SOX5: variants seen among roughly 807,000 people sequenced by gnomAD.
SOX5 encodes the protein SRY-box transcription factor 5, also known as transcription factor SOX-5.
In SOX5, 9 loss-of-function variants were observed where a neutral mutation model predicts 92.0. The ratio of observed to expected loss-of-function variants is 0.10; its 90% CI spans 0.06 to 0.17. The LOEUF (loss-of-function observed/expected upper bound fraction) is 0.17, where lower values mean the gene tolerates loss of function less well. Ranked by LOEUF, SOX5 falls within the 10% of genes least tolerant of loss-of-function variation. The probability of loss-of-function intolerance (pLI) is 1.00; values close to 1 mark genes in which losing one functional copy is unlikely to be tolerated. For missense variants in SOX5, 642 were observed against 944.5 expected (o/e 0.68, Z 4.20); for synonymous variants, 344 against 336.3 (o/e 1.02, Z -0.25).
chr12:23,689,967 C>T (rs2088450824), intron 6 of SOX5, among the ~76,000 whole-genome samples: 1 of 152,188 alleles, frequency 6.6e-6, no homozygotes, highest in African/African-American at 2.4e-5. Flanking sequence ...GTTTATTTCA[C>T]AATGACTTTA....
At chr12:24,440,023 G>C (rs868797065) in intron 1 of SOX5, among the ~76,000 whole-genome samples, 9 of 152,246 alleles carry the variant, frequency 5.9e-5, no homozygotes, top group Middle Eastern at 3.4e-3. Context: ...AAACATCTTG[G>C]TTGGTGGCAA....
chr12:24,233,128 T>C (rs946739483), intron 3 of SOX5, among the ~76,000 whole-genome samples: 1 of 152,102 alleles, frequency 6.6e-6, no homozygotes, highest in Non-Finnish European at 1.5e-5. Context: ...CCTAACTTCA[T>C]GATGAAAGAC....
At chr12:23,680,159 C>T (rs71448690) in intron 6 of SOX5, among the ~76,000 whole-genome samples, 2 of 151,330 alleles carry the variant, frequency 1.3e-5, no homozygotes, top group Admixed American at 1.3e-4. Flanking sequence ...CAACCTGTCT[C>T]TACTAAAGAT....
At chr12:24,236,215 TAAATAAAATA>T (rs571156443) in intron 3 of SOX5, among the ~76,000 whole-genome samples, 2 of 151,588 alleles carry the variant, frequency 1.3e-5, no homozygotes, top group African/African-American at 4.9e-5. Context: ...AATAAATAGA[TAAATAAAATA>T]AAATAAAATA....
intron 2 of SOX5, among the ~76,000 whole-genome samples, chr12:24,322,574 TA>T (rs1950305172): frequency 6.6e-6 from 1 of 152,160 alleles, no homozygotes; most frequent in Admixed American, 6.5e-5. Context: ...TTTCCTCTTG[TA>T]AAAAGTCTGA....
At chr12:23,594,174 G>A (rs113213434) in intron 9 of SOX5, among the ~76,000 whole-genome samples, 116 of 151,354 alleles carry the variant, frequency 7.7e-4, no homozygotes, top group Middle Eastern at 6.9e-3. Flanking sequence ...TATTGCCAGC[G>A]AAAACCTGCT....
At chr12:23,721,894 G>A (rs901060228) in intron 6 of SOX5, among the ~76,000 whole-genome samples, 3 of 152,152 alleles carry the variant, frequency 2.0e-5, no homozygotes, top group South Asian at 2.1e-4. Flanking sequence ...ATTTAAAAAC[G>A]AGGATATATG....
chr12:24,095,361 C>T (rs115307718), intron 4 of SOX5, among the ~76,000 whole-genome samples: 1 of 152,038 alleles, frequency 6.6e-6, no homozygotes. Flanking sequence ...TTGCTTGATT[C>T]CTTCCTTCCT....
chr12:23,890,608 A>C (rs2097121008), intron 2 of SOX5, among the ~76,000 whole-genome samples: 1 of 152,136 alleles, frequency 6.6e-6, no homozygotes, highest in Non-Finnish European at 1.5e-5. Flanking sequence ...TGATATTGCT[A>C]CTTGATTTCT....
At chr12:23,540,602 C>G (rs1384060650) in intron 13 of SOX5, among the ~76,000 whole-genome samples, 1 of 152,104 alleles carries the variant, frequency 6.6e-6, no homozygotes, top group African/African-American at 2.4e-5. Flanking sequence ...AGTGAATTTG[C>G]ACATTTTACT....
chr12:24,073,875 T>C (rs1013963233), intron 4 of SOX5, among the ~76,000 whole-genome samples: 5 of 152,214 alleles, frequency 3.3e-5, no homozygotes, highest in African/African-American at 1.2e-4. Context: ...ATTTTATTTA[T>C]TGCTTCTTTA....
Position 23,993,669 on chromosome 12 carries a change from T to C in SOX5, c.-1-97645A>G, listed in dbSNP as rs955518228. On this transcript the variant is annotated intron_variant, in intron 4 of 4. Transcript: ENST00000446891. ...CAGGAATCTTTTGAAAAAAACATTA[T>C]TTTAAGATATTACATAAAGAAAAGT... Among the ~76,000 whole-genome samples the C allele has an allele frequency of 4.6e-5, 7 of 152,176 alleles. No individual in the cohort carries two copies. In the South Asian group the frequency reaches 1.4e-3, roughly 31 times the overall value.
intron 1 of SOX5, among the ~76,000 whole-genome samples, chr12:23,932,805 T>C (rs1941734105): frequency 6.6e-6 from 1 of 151,654 alleles, no homozygotes; most frequent in Admixed American, 6.6e-5. Flanking sequence ...CACTTAGATT[T>C]ACCATCATGA....
intron 6 of SOX5, among the ~76,000 whole-genome samples, chr12:23,699,864 G>T (rs1200749256): frequency 6.6e-6 from 1 of 152,078 alleles, no homozygotes; most frequent in Non-Finnish European, 1.5e-5. Flanking sequence ...TAGCCTAGTG[G>T]TTAAGAGAGT....
At chr12:24,263,622 A>G (rs1942583783) in intron 3 of SOX5, among the ~76,000 whole-genome samples, 1 of 152,050 alleles carries the variant, frequency 6.6e-6, no homozygotes, top group Non-Finnish European at 1.5e-5. Flanking sequence ...GTTTCTGTAC[A>G]TTTTGAGCAC....
chr12:23,890,199 A>T (rs2097114343), intron 2 of SOX5, among the ~76,000 whole-genome samples: 1 of 152,048 alleles, frequency 6.6e-6, no homozygotes, highest in Non-Finnish European at 1.5e-5. Flanking sequence ...GGGTGCCTGT[A>T]ATCCTGGCTA....
chr12:23,563,438 A>G (rs1245321945), intron 10 of SOX5, 35 bp from the exon 11 acceptor site: 1 of 1,600,814 alleles, frequency 6.2e-7, no homozygotes, highest in East Asian at 2.2e-5. Flanking sequence ...TATCTTTTGT[A>G]TAAAAGCATG....
chr12:24,325,870 C>T (rs1169629386), intron 2 of SOX5, among the ~76,000 whole-genome samples: 1 of 152,158 alleles, frequency 6.6e-6, no homozygotes, highest in African/African-American at 2.4e-5. Context: ...GGTGATAATA[C>T]TATCCATACT....
Position 23,534,312 on chromosome 12 carries a change from T to C in SOX5, c.2199A>G (p.Gly733=). Residue 733 remains glycine, a synonymous_variant, in exon 15 of 15, where the codon GGA becomes GGG. Transcript: ENST00000451604. The part of the protein sequence containing the change: ...KEEIQAEDIN[G]EIYDEYDEEE... ...CCTCGTCGTACTCATCATAAATTTC[T>C]CCATTGATGTCCTCGGCCTGTATCT... is the stretch of plus-strand genomic sequence containing the variant. 6.2e-7 allele frequency: 1 copy of C among 1,614,090 alleles called. No individual in the cohort carries two copies. The highest frequency in any genetic ancestry group is 8.5e-7 in the Non-Finnish European group (1 of 1,179,916).
Sources: gnomAD v4.1 joint callset for allele counts (sites outside exome capture counted in the v4.1 genomes callset) on GRCh38, gnomAD v4.1.1 for gene constraint, MANE v1.5 for transcripts, NCBI Gene and HGNC (gene_info 2026-07-23, HGNC 2026-07-21) for gene names.